NXPH1: variants seen among roughly 807,000 people sequenced by gnomAD.
NXPH1 encodes the protein neurexophilin 1.
In NXPH1, 5 loss-of-function variants were observed where a neutral mutation model predicts 23.7. That is an observed-to-expected ratio of 0.21 (90% CI 0.11 to 0.44). The LOEUF is 0.44. Ranked by LOEUF, NXPH1 falls within the 20% of genes least tolerant of loss-of-function variation. The pLI, the probability that NXPH1 is intolerant of heterozygous loss-of-function variation, is 0.99. For synonymous variants in NXPH1, 144 were observed against 122.2 expected, an observed-to-expected ratio of 1.18 and a Z score of -1.18; for missense variants, 324 against 321.6, an observed-to-expected ratio of 1.01 and a Z score of -0.06.
chr7:8,626,207 T>C (rs1234441485), intron 2 of NXPH1, among the ~76,000 whole-genome samples: 4 of 151,866 alleles, frequency 2.6e-5, no homozygotes, highest in Non-Finnish European at 5.9e-5. Flanking sequence ...AAAAAGAACA[T>C]TTTAATAAGG....
chr7:8,450,612 G>T (rs1816490554), intron 2 of NXPH1, among the ~76,000 whole-genome samples: 1 of 152,264 alleles, frequency 6.6e-6, no homozygotes, highest in African/African-American at 2.4e-5. Flanking sequence ...TGAGGGAGGA[G>T]AGTCTGGCTT....
chr7:8,549,477 G>A (rs1460098985), intron 2 of NXPH1, among the ~76,000 whole-genome samples: 1 of 151,456 alleles, frequency 6.6e-6, no homozygotes, highest in Admixed American at 6.6e-5. Context: ...AATAATAAAA[G>A]CGAAATATAA....
At chr7:8,485,212 A>G (rs1817139112) in intron 2 of NXPH1, among the ~76,000 whole-genome samples, 1 of 152,172 alleles carries the variant, frequency 6.6e-6, no homozygotes, top group African/African-American at 2.4e-5. Flanking sequence ...ATAAAAGGGC[A>G]GTTCCCCTGC....
intron 2 of NXPH1, among the ~76,000 whole-genome samples, chr7:8,535,353 G>T (rs1421169140): frequency 1.3e-5 from 2 of 152,064 alleles, no homozygotes; most frequent in African/African-American, 4.8e-5. Context: ...TTTTTGAAAA[G>T]ATTTGTTAAA....
chr7:8,560,758 G>A (rs1343830980), intron 2 of NXPH1, among the ~76,000 whole-genome samples: 1 of 151,672 alleles, frequency 6.6e-6, no homozygotes, highest in Non-Finnish European at 1.5e-5. Flanking sequence ...GCCACTTTCA[G>A]CAAGCTGCTT....
intron 2 of NXPH1, among the ~76,000 whole-genome samples, chr7:8,736,941 A>G (rs1583254034): frequency 6.7e-6 from 1 of 148,216 alleles, no homozygotes; most frequent in Non-Finnish European, 1.5e-5. Flanking sequence ...AGAGACTAGG[A>G]TTGCAACCCC....
rs115360499 is a variant in NXPH1 at position 8,577,336 on chromosome 7, G to A, written c.54+141569G>A. Reference sequence around the variant, plus strand: ...TGCATTCAGAAACCTGGGAATTGTTGCAGGGGTATGTGTCTTCTCCCACTA... The same window carrying A: ...TGCATTCAGAAACCTGGGAATTGTTACAGGGGTATGTGTCTTCTCCCACTA... On this transcript the variant is annotated intron_variant, in intron 2 of 2. Coordinates refer to ENST00000405863, the MANE Select transcript of NXPH1 (RefSeq NM_152745.3). 5.3e-3 allele frequency among the ~76,000 whole-genome samples: 809 copies of A among 152,276 alleles called. 6 individuals carry two copies. The highest frequency in any genetic ancestry group is 0.019 in the African/African-American group (777 of 41,562).
intron 2 of NXPH1, among the ~76,000 whole-genome samples, chr7:8,720,047 A>G (rs1022964838): frequency 6.6e-6 from 1 of 152,188 alleles, no homozygotes; most frequent in Non-Finnish European, 1.5e-5. Context: ...CACCTGGTGT[A>G]TTATGAACAG....
At chr7:8,659,613 A>G (rs968215652) in intron 2 of NXPH1, among the ~76,000 whole-genome samples, 5 of 152,180 alleles carry the variant, frequency 3.3e-5, no homozygotes, top group Admixed American at 1.3e-4. Context: ...GGATACCATT[A>G]GGAGATATAC....
chr7:8,748,685 G>A (rs1434891254), intron 2 of NXPH1, among the ~76,000 whole-genome samples: 1 of 152,180 alleles, frequency 6.6e-6, no homozygotes, highest in Non-Finnish European at 1.5e-5. Flanking sequence ...CTGTACTCGA[G>A]CTAGCAGCCT....
At chr7:8,610,758 C>T (rs1356525096) in intron 2 of NXPH1, among the ~76,000 whole-genome samples, 1 of 151,544 alleles carries the variant, frequency 6.6e-6, no homozygotes, top group African/African-American at 2.4e-5. Context: ...CAACTTAGAA[C>T]AACTGAATTA....
intron 2 of NXPH1, among the ~76,000 whole-genome samples, chr7:8,478,579 A>G (rs944339311): frequency 1.3e-5 from 2 of 152,036 alleles, no homozygotes; most frequent in African/African-American, 4.8e-5. Context: ...AGAGAACAGA[A>G]CAAATTCTAA....
chr7:8,689,312 T>C (rs1029939524), intron 2 of NXPH1, among the ~76,000 whole-genome samples: 4 of 62,936 alleles, frequency 6.4e-5, no homozygotes, highest in African/African-American at 2.1e-4. Flanking sequence ...TCTATGCAGA[T>C]GAAGTGAAAA....
intron 2 of NXPH1, among the ~76,000 whole-genome samples, chr7:8,526,946 G>T (rs1255264957): frequency 6.6e-6 from 1 of 152,104 alleles, no homozygotes; most frequent in South Asian, 2.1e-4. Context: ...GGCTATCATA[G>T]CTTTTAATTC....
chr7:8,543,547 TG>T (rs1818150835), intron 2 of NXPH1, among the ~76,000 whole-genome samples: 1 of 151,578 alleles, frequency 6.6e-6, no homozygotes, highest in African/African-American at 2.4e-5. Context: ...CCACTAAAAC[TG>T]GGGGCTCAGG....
At chr7:8,461,134 T>C (rs1816687128) in intron 2 of NXPH1, among the ~76,000 whole-genome samples, 1 of 152,202 alleles carries the variant, frequency 6.6e-6, no homozygotes, top group South Asian at 2.1e-4. Context: ...ATCTCAGCAC[T>C]GGGTTGCAGA....
chr7:8,657,626 T>C (rs772835177), intron 2 of NXPH1, among the ~76,000 whole-genome samples: 10 of 152,162 alleles, frequency 6.6e-5, no homozygotes, highest in Non-Finnish European at 1.2e-4. Flanking sequence ...TCAGGTATGA[T>C]TTATGATGAG....
intron 2 of NXPH1, among the ~76,000 whole-genome samples, chr7:8,499,695 G>A (rs1817398816): frequency 6.6e-6 from 1 of 152,026 alleles, no homozygotes; most frequent in Non-Finnish European, 1.5e-5. Context: ...AACAACAAAA[G>A]CTAGACTCCC....
chr7:8,733,029 C>T (rs1017716590), intron 2 of NXPH1, among the ~76,000 whole-genome samples: 1 of 151,910 alleles, frequency 6.6e-6, no homozygotes, highest in African/African-American at 2.4e-5. Flanking sequence ...CCTCCCCTAG[C>T]CCCCTACTAC....
Sources: gnomAD v4.1 joint callset for allele counts (sites outside exome capture counted in the v4.1 genomes callset) on GRCh38, gnomAD v4.1.1 for gene constraint, MANE v1.5 for transcripts, NCBI Gene and HGNC (gene_info 2026-07-23, HGNC 2026-07-21) for gene names.